GABBR2: variants seen among roughly 807,000 people sequenced by gnomAD.
GABBR2 encodes the protein G-protein coupled receptor 51.
In GABBR2, 23 loss-of-function variants were observed where a neutral mutation model predicts 105.6. That is an observed-to-expected ratio of 0.22 (90% CI 0.16 to 0.31). The LOEUF is 0.31. GABBR2 is among the 10% of genes least tolerant of loss of function. The pLI, the probability that GABBR2 is intolerant of heterozygous loss-of-function variation, is 1.00. For synonymous variants in GABBR2, 478 were observed against 499.7 expected (o/e 0.96, Z 0.58); for missense variants, 734 against 1,245.5 (o/e 0.59, Z 6.18).
intron 4 of GABBR2, among the ~76,000 whole-genome samples, chr9:98,492,538 T>A (rs1418987646): frequency 1.3e-5 from 2 of 152,028 alleles, no homozygotes; most frequent in Non-Finnish European, 2.9e-5. Flanking sequence ...CATTCTTTAA[T>A]CAGATTTCCT....
chr9:98,657,820 G>A (rs1387803881), intron 1 of GABBR2, among the ~76,000 whole-genome samples: 1 of 152,272 alleles, frequency 6.6e-6, no homozygotes, highest in African/African-American at 2.4e-5. Context: ...GGGTTTTTAA[G>A]TGTCTAGCAT....
At chr9:98,373,851 CTTTTTTTT>C (rs577915397) in intron 11 of GABBR2, among the ~76,000 whole-genome samples, 3 of 86,690 alleles carry the variant, frequency 3.5e-5, no homozygotes, top group African/African-American at 9.8e-5. Flanking sequence ...CAAAGCATTC[CTTTTTTTT>C]TTTTTTTTTT....
intron 8 of GABBR2, among the ~76,000 whole-genome samples, chr9:98,397,759 G>T (rs116665197): frequency 0.033 from 5,067 of 152,116 alleles, 255 homozygotes; most frequent in African/African-American, 0.1. Context: ...CTCCCCTCCC[G>T]GTGTCCTAGT....
chr9:98,636,485 CTTTTTTTTT>C (rs10559312), intron 1 of GABBR2, among the ~76,000 whole-genome samples: 1 of 66,176 alleles, frequency 1.5e-5, no homozygotes, highest in Non-Finnish European at 2.6e-5. Context: ...TCTTTCCTTT[CTTTTTTTTT>C]TTTTTTTTTT....
intron 1 of GABBR2, among the ~76,000 whole-genome samples, chr9:98,658,215 G>T (rs187652857): frequency 1.3e-5 from 2 of 152,252 alleles, no homozygotes; most frequent in East Asian, 3.9e-4. Context: ...CTACCACCAC[G>T]GGCGGTTTCC....
rs10693570 is a variant in GABBR2, at chr9:98,611,457, G to GGAATGAATGAAT, written c.322-33397_322-33386dup. On this transcript the variant is annotated intron_variant, in intron 1 of 18. Coordinates refer to ENST00000259455, the MANE Select transcript of GABBR2 (RefSeq NM_005458.8). ...TTCATCACATCCCAAGTGCACCCGA[G>GGAATGAATGAAT]GAATGAATGAATGAATGAATGAATG... Among the ~76,000 whole-genome samples the GGAATGAATGAAT allele has an allele frequency of 5.2e-3, 774 of 150,074 alleles. 3 individuals carry two copies. The highest frequency in any genetic ancestry group is 0.01 in the African/African-American group (422 of 40,622).
In GABBR2 at chr9:98,594,949, A is replaced by G. The variant is rs181297193; in HGVS notation, c.322-16877T>C. On this transcript the variant is annotated intron_variant, in intron 1 of 18. Coordinates refer to ENST00000259455, the MANE Select transcript of GABBR2 (RefSeq NM_005458.8). Reference sequence around the variant, plus strand: ...GCTGAGATCTGCCAGGCACTTGGCAAACAGGAGGAAACAGGTCAGAGCCCG... The same window carrying G: ...GCTGAGATCTGCCAGGCACTTGGCAGACAGGAGGAAACAGGTCAGAGCCCG... Among the ~76,000 whole-genome samples the G allele has an allele frequency of 7.2e-4, 109 of 152,332 alleles. 1 individual carries two copies. The highest frequency in any genetic ancestry group is 2.4e-3 in the African/African-American group (101 of 41,580).
chr9:98,430,669 C>T (rs1186970991), intron 7 of GABBR2, among the ~76,000 whole-genome samples: 1 of 152,106 alleles, frequency 6.6e-6, no homozygotes, highest in Non-Finnish European at 1.5e-5. Context: ...CTGCATAGTT[C>T]TCCCTCTCCA....
At chr9:98,381,062 C>T (rs968088023) in intron 11 of GABBR2, among the ~76,000 whole-genome samples, 10 of 152,156 alleles carry the variant, frequency 6.6e-5, no homozygotes, top group Non-Finnish European at 8.8e-5. Flanking sequence ...TGTGGGACAC[C>T]AGGAAATTAC....
At chr9:98,538,344 C>T (rs181603083) in intron 3 of GABBR2, among the ~76,000 whole-genome samples, 2 of 152,296 alleles carry the variant, frequency 1.3e-5, no homozygotes, top group African/African-American at 2.4e-5. Context: ...GGGGGCATGG[C>T]AGAGCAAGCT....
chr9:98,483,186 T>C (rs1481377835), intron 4 of GABBR2, among the ~76,000 whole-genome samples: 1 of 152,150 alleles, frequency 6.6e-6, no homozygotes, highest in African/African-American at 2.4e-5. Flanking sequence ...TTGGGAGTCA[T>C]CTTAGACTCA....
chr9:98,403,760 T>A (rs1023426462), intron 8 of GABBR2, among the ~76,000 whole-genome samples: 2 of 144,034 alleles, frequency 1.4e-5, no homozygotes, highest in African/African-American at 5.2e-5. Context: ...AAAAAAAATA[T>A]ATATATATAT....
intron 3 of GABBR2, among the ~76,000 whole-genome samples, chr9:98,534,047 A>T (rs1035804820): frequency 2.6e-5 from 4 of 152,210 alleles, no homozygotes; most frequent in Admixed American, 2.0e-4. Flanking sequence ...ACTCTGGAAG[A>T]GTAAGCAGCA....
At chr9:98,511,289 C>A in intron 3 of GABBR2, among the ~76,000 whole-genome samples, 1 of 149,628 alleles carries the variant, frequency 6.7e-6, no homozygotes, top group African/African-American at 2.5e-5. Flanking sequence ...ACTAAATGCC[C>A]ACAAGAGAAA....
intron 9 of GABBR2, among the ~76,000 whole-genome samples, chr9:98,389,211 G>T (rs183096047): frequency 1.3e-4 from 20 of 152,328 alleles, no homozygotes; most frequent in African/African-American, 4.8e-4. Flanking sequence ...TCTCTAAATA[G>T]AATCAATAAA....
At chr9:98,466,644 C>A (rs1224197261) in intron 6 of GABBR2, among the ~76,000 whole-genome samples, 1 of 152,186 alleles carries the variant, frequency 6.6e-6, no homozygotes, top group Non-Finnish European at 1.5e-5. Flanking sequence ...ATAACCTCAT[C>A]TAATCCTTAC....
rs952167584 is a variant in GABBR2 at position 98,289,527 on chromosome 9, T to C, written c.*1057A>G. The C allele has an allele frequency of 6.6e-6, 1 of 152,420 alleles. No individual in the cohort carries two copies. The highest frequency in any genetic ancestry group is 2.4e-5 in the African/African-American group (1 of 41,384). The allele number at this position is 152,420 out of a possible 1,614,324, so 9.4% of individuals were successfully genotyped here. On this transcript the variant is annotated 3_prime_UTR_variant, in exon 19 of 19. Coordinates refer to ENST00000259455, the MANE Select transcript of GABBR2 (RefSeq NM_005458.8). The stretch of plus-strand genomic sequence containing the variant: ...GGCTTGTCTGGATGGAAGGCTGCCT[T>C]CTGGAAGCCAAGGGAAGCCCTCAGC...
chr9:98,698,120 T>C (rs1054393227), intron 1 of GABBR2, among the ~76,000 whole-genome samples: 1 of 152,210 alleles, frequency 6.6e-6, no homozygotes, highest in African/African-American at 2.4e-5. Flanking sequence ...CCTGACCCTG[T>C]ACCATGAGAG....
chr9:98,621,793 G>A (rs921655291), intron 1 of GABBR2, among the ~76,000 whole-genome samples: 1 of 152,164 alleles, frequency 6.6e-6, no homozygotes, highest in African/African-American at 2.4e-5. Context: ...AAAAATCAAT[G>A]CTTCCCTGTA....
Sources: gnomAD v4.1 joint callset for allele counts (sites outside exome capture counted in the v4.1 genomes callset) on GRCh38, gnomAD v4.1.1 for gene constraint, MANE v1.5 for transcripts, NCBI Gene and HGNC (gene_info 2026-07-23, HGNC 2026-07-21) for gene names.